SATL1: variants seen among roughly 807,000 people sequenced by gnomAD.
SATL1 encodes the protein spermidine/spermine N(1)-acetyltransferase-like protein 1.
Under a neutral mutation model 51.8 loss-of-function variants are expected in SATL1, and 47 were observed. The observed-to-expected ratio is 0.91, with a 90% CI of 0.72 to 1.16. The LOEUF (loss-of-function observed/expected upper bound fraction) is 1.16, where lower values mean the gene tolerates loss of function less well. Among genes scored for constraint, SATL1 ranks in the 50% most tolerant of loss-of-function variants. The probability of loss-of-function intolerance (pLI) is 0.00; values close to 1 mark genes in which losing one functional copy is unlikely to be tolerated. For synonymous variants in SATL1, 176 were observed against 182.4 expected (o/e 0.97, Z 0.28); for missense variants, 520 against 526.4 (o/e 0.99, Z 0.12).
At chrX:85,238,740 G>A (rs1928527670) in intron 1 of SATL1, among the ~76,000 whole-genome samples, 1 of 111,434 alleles carries the variant, frequency 9.0e-6, no homozygotes, top group South Asian at 3.7e-4. Flanking sequence ...ACAAAGAAAT[G>A]ATAAATGCTT....
At chrX:85,163,743 G>A (rs901890066) in intron 2 of SATL1, among the ~76,000 whole-genome samples, 5 of 111,674 alleles carry the variant, frequency 4.5e-5, no homozygotes, top group African/African-American at 1.6e-4. Flanking sequence ...CAGTTGTTGG[G>A]TAGAATGTTC....
chrX:85,147,399 G>T (rs1004762202), intron 2 of SATL1, among the ~76,000 whole-genome samples: 1 of 114,011 alleles, frequency 8.8e-6, no homozygotes, highest in African/African-American at 3.2e-5. Context: ...GCAGGGCACA[G>T]ACAAACAAAA....
intron 2 of SATL1, among the ~76,000 whole-genome samples, chrX:85,195,696 C>T (rs1265328095): frequency 9.1e-6 from 1 of 109,786 alleles, no homozygotes; most frequent in African/African-American, 3.3e-5. Flanking sequence ...CCTGTAATCC[C>T]AGCTACTTGG....
chrX:85,103,689 T>C (rs1924956615), intron 4 of SATL1, among the ~76,000 whole-genome samples, 175 bp downstream of exon 4: 1 of 111,897 alleles, frequency 8.9e-6, no homozygotes, highest in East Asian at 2.8e-4. Context: ...GTATCATTTT[T>C]GTACTAAAAA....
chrX:85,204,559 G>A (rs12558794), intron 2 of SATL1, among the ~76,000 whole-genome samples: 1,180 of 112,228 alleles, frequency 0.011, 12 homozygotes, highest in Admixed American at 0.035. Context: ...AGAGCTCATA[G>A]GGTTCTGTGA....
chrX:85,151,363 A>G (rs1251747591), intron 2 of SATL1, among the ~76,000 whole-genome samples: 4 of 111,640 alleles, frequency 3.6e-5, no homozygotes, highest in Non-Finnish European at 5.6e-5. Flanking sequence ...GGTAGGAAGA[A>G]TCAATATCAT....
intron 2 of SATL1, among the ~76,000 whole-genome samples, chrX:85,137,480 G>GC (rs1314739855): frequency 2.7e-5 from 3 of 110,540 alleles, no homozygotes; most frequent in Admixed American, 1.9e-4. Context: ...CACCTACACT[G>GC]CCACCACCCT....
At chrX:85,101,679 C>T (rs902569287) in intron 4 of SATL1, among the ~76,000 whole-genome samples, 2 of 111,531 alleles carry the variant, frequency 1.8e-5, no homozygotes, top group Non-Finnish European at 3.8e-5. Flanking sequence ...CTTTTAGGTA[C>T]GTGCCCAAAA....
intron 2 of SATL1, among the ~76,000 whole-genome samples, chrX:85,150,235 G>A (rs1489218147): frequency 2.7e-5 from 3 of 111,575 alleles, no homozygotes; most frequent in Admixed American, 1.9e-4. Context: ...TAAATTCCTC[G>A]ACACATACAC....
chrX:85,202,904 A>G (rs1166691261), intron 2 of SATL1, among the ~76,000 whole-genome samples: 1 of 111,960 alleles, frequency 8.9e-6, no homozygotes, highest in African/African-American at 3.2e-5. Flanking sequence ...GCAGTGACCA[A>G]GTGGCTGTCA....
intron 4 of SATL1, among the ~76,000 whole-genome samples, chrX:85,100,744 C>A (rs1028878046): frequency 9.0e-6 from 1 of 111,472 alleles, no homozygotes; most frequent in South Asian, 3.8e-4. Context: ...CCCAAATAGC[C>A]AAAACAATCT....
chrX:85,155,431 A>G (rs1386931891), intron 2 of SATL1, among the ~76,000 whole-genome samples: 1 of 111,567 alleles, frequency 9.0e-6, no homozygotes, highest in African/African-American at 3.3e-5. Context: ...AGGGAGAAGG[A>G]TGATACATAT....
intron 2 of SATL1, among the ~76,000 whole-genome samples, chrX:85,153,188 A>T (rs1926506836): frequency 9.1e-6 from 1 of 110,468 alleles, no homozygotes; most frequent in Non-Finnish European, 1.9e-5. Context: ...AGATGGGGGC[A>T]GGTAGATTTT....
At chrX:85,203,279 C>G (rs1255210192) in intron 2 of SATL1, among the ~76,000 whole-genome samples, 1 of 111,343 alleles carries the variant, frequency 9.0e-6, no homozygotes, top group Non-Finnish European at 1.9e-5. Flanking sequence ...AGAGGTCCCA[C>G]CCAGTGAGGA....
intron 2 of SATL1, among the ~76,000 whole-genome samples, chrX:85,133,455 G>A (rs1460458139): frequency 8.9e-6 from 1 of 112,445 alleles, no homozygotes; most frequent in Non-Finnish European, 1.9e-5. Flanking sequence ...GACCCGCTGA[G>A]CCATGCGCAG....
At chrX:85,196,574 C>T (rs55972110) in intron 2 of SATL1, among the ~76,000 whole-genome samples, 14,363 of 110,839 alleles carry the variant, frequency 0.13, 711 homozygotes, top group South Asian at 0.18. Flanking sequence ...ATTAAGACAG[C>T]GAAGTACTTC....
intron 2 of SATL1, among the ~76,000 whole-genome samples, chrX:85,170,808 T>C (rs1170289243): frequency 8.9e-6 from 1 of 111,790 alleles, no homozygotes; most frequent in Non-Finnish European, 1.9e-5. Flanking sequence ...AGCTCTTTTG[T>C]TAGAGGTCTA....
intron 2 of SATL1, among the ~76,000 whole-genome samples, chrX:85,178,844 T>C (rs1365547484): frequency 9.0e-6 from 1 of 111,653 alleles, no homozygotes; most frequent in Non-Finnish European, 1.9e-5. Context: ...TTATGGAATG[T>C]AGTTAACATG....
rs369870437 is a variant in SATL1, at chrX:85,103,789, A to G, written c.1693+75T>C. ...ATGGTGTCATCTTTATGTACCAAGA[A>G]CAATAGCTTCCACATATCTAAGTAG... On this transcript the variant is annotated intron_variant, in intron 4 of 7. Coordinates refer to ENST00000644105, the MANE Select transcript of SATL1 (RefSeq NM_001367857.2). 6.8e-5 allele frequency: 49 copies of G among 722,842 alleles called. No homozygotes were observed. The Middle Eastern group carries it at 1.5e-3, about 23-fold the overall frequency. The allele number at this position is 722,842 out of a possible 1,213,427, so 59.6% of individuals were successfully genotyped here. A position where few individuals can be genotyped will look rare whatever the true frequency, so the allele number is the denominator to read the frequency against.
Sources: gnomAD v4.1 joint callset for allele counts (sites outside exome capture counted in the v4.1 genomes callset) on GRCh38, gnomAD v4.1.1 for gene constraint, MANE v1.5 for transcripts, NCBI Gene and HGNC (gene_info 2026-07-23, HGNC 2026-07-21) for gene names.